LRMDA: variants seen among roughly 807,000 people sequenced by gnomAD.
LRMDA encodes the protein leucine rich melanocyte differentiation associated, also known as leucine-rich melanocyte differentiation-associated protein.
LRMDA carries 18 observed loss-of-function variants against 29.8 expected under a neutral mutation model. The observed-to-expected ratio is 0.60, with a 90% CI of 0.42 to 0.90. The LOEUF is 0.90. Ranked by LOEUF, LRMDA falls within the 40% of genes least tolerant of loss-of-function variation. LRMDA has a pLI of 0.00. For synonymous variants in LRMDA, 125 were observed against 109.4 expected, an observed-to-expected ratio of 1.14 and a Z score of -0.89; for missense variants, 273 against 273.9, an observed-to-expected ratio of 1.00 and a Z score of 0.02.
At chr10:76,262,064 C>G (rs940386198) in intron 5 of LRMDA, among the ~76,000 whole-genome samples, 2 of 151,870 alleles carry the variant, frequency 1.3e-5, no homozygotes, top group Non-Finnish European at 2.9e-5. Flanking sequence ...AAGACCCCAT[C>G]TCTAAAAAAA....
At chr10:75,627,051 A>T (rs1841259389) in intron 2 of LRMDA, among the ~76,000 whole-genome samples, 1 of 152,216 alleles carries the variant, frequency 6.6e-6, no homozygotes, top group Non-Finnish European at 1.5e-5. Flanking sequence ...GAAGGGCTGC[A>T]TTGGTTCATG....
At position 76,368,110 on chromosome 10, in the gene LRMDA, C is replaced by T. The variant is rs567106584; in HGVS notation, c.601+43625C>T. Among the ~76,000 whole-genome samples, 40 of 152,134 alleles carry T rather than the reference C, an allele frequency of 2.6e-4. 1 individual carries two copies. Among genetic ancestry groups the T allele is most frequent in the South Asian group, 2.5e-3 (12 of 4,824 alleles). On this transcript the variant is annotated intron_variant, in intron 6 of 6. Transcript: ENST00000611255. ...GTTTCAATTTCATTTACTTCTGCTG[C>T]GATCTTGGTTATTTCTTTTCTTCTG...
At chr10:76,288,227 C>T (rs953139130) in intron 5 of LRMDA, among the ~76,000 whole-genome samples, 3 of 152,128 alleles carry the variant, frequency 2.0e-5, no homozygotes, top group African/African-American at 7.2e-5. Context: ...AGCAGTTCGG[C>T]AATTTCTGAA....
At chr10:75,583,202 T>C (rs1225222153) in intron 2 of LRMDA, among the ~76,000 whole-genome samples, 1 of 152,238 alleles carries the variant, frequency 6.6e-6, no homozygotes, top group Non-Finnish European at 1.5e-5. Flanking sequence ...GGTATCTTTA[T>C]GGCAATGCCC....
intron 2 of LRMDA, among the ~76,000 whole-genome samples, chr10:76,012,990 C>T (rs1336094677): frequency 6.6e-6 from 1 of 151,610 alleles, no homozygotes; most frequent in Non-Finnish European, 1.5e-5. Flanking sequence ...TTTGTAAAAG[C>T]GATTTCTTTG....
At chr10:75,849,213 T>C (rs1271850709) in intron 2 of LRMDA, among the ~76,000 whole-genome samples, 2 of 152,116 alleles carry the variant, frequency 1.3e-5, no homozygotes, top group Non-Finnish European at 1.5e-5. Context: ...GTGCTGTATA[T>C]CCTTGCTGTA....
intron 5 of LRMDA, among the ~76,000 whole-genome samples, chr10:76,069,089 G>A (rs1356385817): frequency 6.6e-6 from 1 of 152,248 alleles, no homozygotes; most frequent in Non-Finnish European, 1.5e-5. Flanking sequence ...GATCCGGCTT[G>A]AGAGTCTGCT....
intron 5 of LRMDA, among the ~76,000 whole-genome samples, chr10:76,223,071 A>T (rs1358379616): frequency 2.0e-5 from 3 of 151,250 alleles, no homozygotes; most frequent in African/African-American, 4.8e-5. Context: ...AACAACGAGA[A>T]CACATGGACA....
At chr10:75,937,624 G>T (rs1846319906) in intron 2 of LRMDA, among the ~76,000 whole-genome samples, 1 of 152,186 alleles carries the variant, frequency 6.6e-6, no homozygotes, top group Non-Finnish European at 1.5e-5. Flanking sequence ...CCATAGAAAT[G>T]AAGGGGGGCA....
At chr10:75,617,255 C>G (rs1435925792) in intron 2 of LRMDA, among the ~76,000 whole-genome samples, 2 of 152,112 alleles carry the variant, frequency 1.3e-5, no homozygotes, top group African/African-American at 2.4e-5. Flanking sequence ...CCCAGGGAGG[C>G]CCAAGTGGCA....
intron 2 of LRMDA, among the ~76,000 whole-genome samples, chr10:75,524,351 G>C (rs1845392024): frequency 6.6e-6 from 1 of 152,124 alleles, no homozygotes; most frequent in Non-Finnish European, 1.5e-5. Flanking sequence ...CTACTTGTGT[G>C]ATCTTGGGCA....
intron 6 of LRMDA, among the ~76,000 whole-genome samples, chr10:76,461,720 TAAG>T (rs1842513737): frequency 6.6e-6 from 1 of 152,062 alleles, no homozygotes; most frequent in African/African-American, 2.4e-5. Flanking sequence ...AGTGCTGTCT[TAAG>T]AAATTTCCTT....
intron 2 of LRMDA, among the ~76,000 whole-genome samples, chr10:75,886,400 C>T (rs892518331): frequency 1.3e-5 from 2 of 152,120 alleles, no homozygotes; most frequent in African/African-American, 4.8e-5. Flanking sequence ...TATGACATAT[C>T]AGGGAAGAAA....
chr10:75,697,995 A>C (rs1345568476), intron 2 of LRMDA, among the ~76,000 whole-genome samples: 1 of 152,146 alleles, frequency 6.6e-6, no homozygotes, highest in African/African-American at 2.4e-5. Context: ...CTTCATCCTT[A>C]CAGTCGCCCT....
chr10:75,660,099 G>GCA (rs1841732196), intron 2 of LRMDA, among the ~76,000 whole-genome samples: 1 of 151,686 alleles, frequency 6.6e-6, no homozygotes, highest in Non-Finnish European at 1.5e-5. Flanking sequence ...ACACACACAG[G>GCA]CACACACACA....
In LRMDA at chr10:75,724,583, A is replaced by T. The variant is rs531195453; in HGVS notation, c.131+286089A>T. ...GCAGGGGAGAAAGCGCAGGATTCAG[A>T]GGCCCCCACACCTTTGTCTTGCCGG... is the stretch of plus-strand genomic sequence containing the variant. On this transcript the variant is annotated intron_variant, in intron 2 of 6. Coordinates refer to ENST00000611255, the MANE Select transcript of LRMDA (RefSeq NM_001305581.2). 1.6e-4 allele frequency among the ~76,000 whole-genome samples: 24 copies of T among 152,292 alleles called. No homozygotes were observed. The South Asian group carries it at 4.4e-3, about 28-fold the overall frequency.
intron 2 of LRMDA, among the ~76,000 whole-genome samples, chr10:75,907,949 G>C (rs1845783881): frequency 6.6e-6 from 1 of 152,184 alleles, no homozygotes; most frequent in Non-Finnish European, 1.5e-5. Flanking sequence ...CAGGTGAAGG[G>C]GAAAGCCCAG....
At chr10:75,998,644 G>A (rs140035020) in intron 2 of LRMDA, among the ~76,000 whole-genome samples, 2 of 152,190 alleles carry the variant, frequency 1.3e-5, no homozygotes, top group South Asian at 4.1e-4. Context: ...CTCAGGTGAC[G>A]ATCCAGGGCC....
intron 5 of LRMDA, among the ~76,000 whole-genome samples, chr10:76,249,483 A>G (rs1039278959): frequency 7.9e-5 from 12 of 152,204 alleles, no homozygotes; most frequent in African/African-American, 2.9e-4. Context: ...GCACCCATGA[A>G]GGAAGAGGAA....
Sources: allele counts gnomAD v4.1 joint callset (sites outside exome capture counted in the v4.1 genomes callset), GRCh38; gene constraint gnomAD v4.1.1; transcripts MANE v1.5; gene names NCBI Gene and HGNC (gene_info 2026-07-23, HGNC 2026-07-21).